The following ANGPT1 variants were observed in gnomAD, a reference collection of about 807,000 sequenced individuals.
ANGPT1 encodes the protein angiopoietin-1.
Under a neutral mutation model 62.2 loss-of-function variants are expected in ANGPT1, and 17 were observed. The ratio of observed to expected loss-of-function variants is 0.27; its 90% CI spans 0.19 to 0.41. The LOEUF is 0.41. Ranked by LOEUF, ANGPT1 falls within the 10% of genes least tolerant of loss-of-function variation. ANGPT1 has a pLI of 1.00. For synonymous variants in ANGPT1, 199 were observed against 198.9 expected (o/e 1.00, Z 0.00); for missense variants, 478 against 594.9 (o/e 0.80, Z 2.04).
intron 1 of ANGPT1, among the ~76,000 whole-genome samples, chr8:107,358,261 T>A (rs1439090852): frequency 6.6e-6 from 1 of 152,298 alleles, no homozygotes; most frequent in East Asian, 1.9e-4. Flanking sequence ...GAGTAGTTCT[T>A]ATTTAAATTA....
intron 7 of ANGPT1, among the ~76,000 whole-genome samples, chr8:107,277,537 C>T (rs527948047): frequency 6.6e-6 from 1 of 152,088 alleles, no homozygotes; most frequent in Non-Finnish European, 1.5e-5. Context: ...ATCAGCTTTA[C>T]GTGTTTCATA....
At chr8:107,281,594 C>T (rs1024373038) in intron 7 of ANGPT1, among the ~76,000 whole-genome samples, 4 of 151,994 alleles carry the variant, frequency 2.6e-5, no homozygotes, top group Admixed American at 6.6e-5. Context: ...CTGGCTAACA[C>T]GGTGAAACTC....
At chr8:107,449,427 C>G (rs1322621790) in intron 1 of ANGPT1, among the ~76,000 whole-genome samples, 2 of 147,594 alleles carry the variant, frequency 1.4e-5, no homozygotes, top group African/African-American at 5.0e-5. Flanking sequence ...CACACACACA[C>G]AGAAAACTTC....
intron 1 of ANGPT1, among the ~76,000 whole-genome samples, chr8:107,453,517 G>A (rs1309372663): frequency 6.6e-6 from 1 of 151,944 alleles, no homozygotes; most frequent in Non-Finnish European, 1.5e-5. Flanking sequence ...CTGATCTCGT[G>A]AGCCTTATTC....
intron 1 of ANGPT1, among the ~76,000 whole-genome samples, chr8:107,404,978 C>A (rs544270296): frequency 1.6e-4 from 25 of 152,062 alleles, no homozygotes; most frequent in African/African-American, 5.8e-4. Context: ...AATAGCAGTA[C>A]CTTGCATTTA....
At chr8:107,361,456 T>C (rs949060510) in intron 1 of ANGPT1, among the ~76,000 whole-genome samples, 1 of 148,460 alleles carries the variant, frequency 6.7e-6, no homozygotes, top group Non-Finnish European at 1.5e-5. Context: ...TATAGATCTA[T>C]CTATAAATAT....
intron 1 of ANGPT1, among the ~76,000 whole-genome samples, chr8:107,378,460 T>TTGTA: frequency 6.6e-6 from 1 of 152,340 alleles, no homozygotes; most frequent in Non-Finnish European, 1.5e-5. Context: ...CTAAATACAG[T>TTGTA]TGTATATATG....
chr8:107,322,169 T>C, intron 3 of ANGPT1, 41 bp from the exon 4 acceptor site: 4 of 1,452,808 alleles, frequency 2.8e-6, no homozygotes, highest in Non-Finnish European at 3.8e-6. Context: ...TGAAAAAATG[T>C]TATACAAAAA....
chr8:107,360,751 G>A lies in ANGPT1; in HGVS notation c.298-13654C>T, dbSNP rs569635945. Among the ~76,000 whole-genome samples the A allele has an allele frequency of 7.9e-5, 12 of 152,208 alleles. No homozygotes were observed. In the South Asian group the frequency reaches 1.0e-3, roughly 13 times the overall value. On this transcript the variant is annotated intron_variant, in intron 1 of 8. Coordinates refer to ENST00000517746, the MANE Select transcript of ANGPT1 (RefSeq NM_001146.5). ...AGGCACCTAACATTTGATGATCACC[G>A]TCAGGCAGTAAAAAAGTCTTCATAT...
chr8:107,277,985 A>T (rs1813904864), intron 7 of ANGPT1, among the ~76,000 whole-genome samples: 1 of 152,190 alleles, frequency 6.6e-6, no homozygotes, highest in Non-Finnish European at 1.5e-5. Flanking sequence ...TTCGATATAG[A>T]ATATATAATT....
At chr8:107,396,517 C>T (rs375609081) in intron 1 of ANGPT1, among the ~76,000 whole-genome samples, 16 of 84,862 alleles carry the variant, frequency 1.9e-4, no homozygotes, top group Admixed American at 6.5e-4. Flanking sequence ...TCTTTTCTCT[C>T]TTTTTTTTTT....
chr8:107,467,522 T>G (rs1812235084), intron 1 of ANGPT1, among the ~76,000 whole-genome samples: 1 of 152,040 alleles, frequency 6.6e-6, no homozygotes, highest in Non-Finnish European at 1.5e-5. Flanking sequence ...ACCTGGGGAC[T>G]TAATTGGGAT....
At chr8:107,347,236 G>A in intron 1 of ANGPT1, 139 bp from the exon 2 acceptor site, 1 of 738,452 alleles carries the variant, frequency 1.4e-6, no homozygotes, top group Non-Finnish European at 2.1e-6. Context: ...TCTGGGAGTT[G>A]GAGAAATGGG....
intron 1 of ANGPT1, among the ~76,000 whole-genome samples, chr8:107,370,372 G>GA (rs1303734207): frequency 5.7e-5 from 2 of 35,060 alleles, no homozygotes; most frequent in East Asian, 5.0e-3. Context: ...AAGAAAGAAA[G>GA]AAAGAAAGAA....
intron 6 of ANGPT1, among the ~76,000 whole-genome samples, chr8:107,285,154 T>G (rs1406471386): frequency 6.6e-6 from 1 of 152,134 alleles, no homozygotes; most frequent in Non-Finnish European, 1.5e-5. Context: ...AATTCAAGGT[T>G]TGCTTTTGAA....
At chr8:107,450,991 C>A (rs1811763695) in intron 1 of ANGPT1, among the ~76,000 whole-genome samples, 1 of 151,650 alleles carries the variant, frequency 6.6e-6, no homozygotes, top group African/African-American at 2.4e-5. Context: ...ATTGTAAATG[C>A]ACCATGATAC....
chr8:107,468,185 C>T (rs62514478), intron 1 of ANGPT1, among the ~76,000 whole-genome samples: 3 of 152,074 alleles, frequency 2.0e-5, no homozygotes, highest in South Asian at 2.1e-4. Flanking sequence ...TGAACTGTTA[C>T]GAACAGAATC....
At chr8:107,432,789 T>G (rs1356219970) in intron 1 of ANGPT1, among the ~76,000 whole-genome samples, 5 of 151,804 alleles carry the variant, frequency 3.3e-5, no homozygotes, top group African/African-American at 1.2e-4. Flanking sequence ...TCAAAGGATA[T>G]GTATATTATA....
Position 107,313,755 on chromosome 8 carries a change from G to C in ANGPT1, c.808+8141C>G, listed in dbSNP as rs548672903. On this transcript the variant is annotated intron_variant, in intron 4 of 8. Coordinates refer to ENST00000517746, the MANE Select transcript of ANGPT1 (RefSeq NM_001146.5). ...ACCACGACTGGCCAAAATGTTACTA[G>C]TTTTAAAGATTCTTTGCAATTGACT... Among the ~76,000 whole-genome samples the C allele has an allele frequency of 2.6e-5, 4 of 151,916 alleles. No homozygotes were observed. In the East Asian group the frequency reaches 5.8e-4, roughly 22 times the overall value.
Sources: allele counts gnomAD v4.1 joint callset (sites outside exome capture counted in the v4.1 genomes callset), GRCh38; gene constraint gnomAD v4.1.1; transcripts MANE v1.5; gene names NCBI Gene and HGNC (gene_info 2026-07-23, HGNC 2026-07-21).